The following NBEA variants were observed in gnomAD, a reference collection of about 807,000 sequenced individuals.
NBEA encodes the protein lysosomal-trafficking regulator 2.
A neutral mutation model predicts 343.4 loss-of-function variants in NBEA; 44 were observed. The observed-to-expected ratio is 0.13, with a 90% CI of 0.10 to 0.16. NBEA has a LOEUF of 0.16. Among genes scored for constraint, NBEA ranks in the 10% least tolerant of loss-of-function variants. The probability of loss-of-function intolerance (pLI) is 1.00; values close to 1 mark genes in which losing one functional copy is unlikely to be tolerated. For synonymous variants in NBEA, 1,175 were observed against 1,238.7 expected, an observed-to-expected ratio of 0.95 and a Z score of 1.08; for missense variants, 2,555 against 3,631.3, an observed-to-expected ratio of 0.70 and a Z score of 7.62.
intron 18 of NBEA, among the ~76,000 whole-genome samples, chr13:35,142,840 C>G (rs2068169634): frequency 6.6e-6 from 1 of 152,112 alleles, no homozygotes; most frequent in Non-Finnish European, 1.5e-5. Flanking sequence ...ATCTTTGGAT[C>G]TCATCATTTC....
intron 1 of NBEA, among the ~76,000 whole-genome samples, chr13:34,974,543 A>G: frequency 6.6e-6 from 1 of 152,204 alleles, no homozygotes; most frequent in East Asian, 1.9e-4. Flanking sequence ...TAATAGGGAT[A>G]GAGAGTTTGA....
intron 48 of NBEA, among the ~76,000 whole-genome samples, chr13:35,615,008 G>C (rs147815130): frequency 6.6e-6 from 1 of 151,810 alleles, no homozygotes; most frequent in Non-Finnish European, 1.5e-5. Context: ...AACTTCAGGT[G>C]CATCATTGTT....
At chr13:35,564,748 C>T (rs1470037510) in intron 44 of NBEA, among the ~76,000 whole-genome samples, 2 of 152,168 alleles carry the variant, frequency 1.3e-5, no homozygotes, top group Non-Finnish European at 1.5e-5. Context: ...GTTTTCTTCT[C>T]GTTTAATGTA....
intron 31 of NBEA, among the ~76,000 whole-genome samples, chr13:35,204,254 T>G (rs1593734586): frequency 6.6e-6 from 1 of 152,142 alleles, no homozygotes; most frequent in East Asian, 1.9e-4. Flanking sequence ...TGCCTGATGA[T>G]CTGTGACTGT....
intron 1 of NBEA, among the ~76,000 whole-genome samples, chr13:34,988,456 C>T (rs186601969): frequency 2.0e-5 from 3 of 151,240 alleles, no homozygotes; most frequent in East Asian, 1.9e-4. Flanking sequence ...CCACCCAGTT[C>T]GAGCTTTTCC....
intron 31 of NBEA, among the ~76,000 whole-genome samples, chr13:35,198,742 T>C (rs2072805198): frequency 6.6e-6 from 1 of 151,554 alleles, no homozygotes; most frequent in African/African-American, 2.4e-5. Flanking sequence ...ATGTAAATGA[T>C]GAGGTGATAT....
chr13:35,013,444 C>T (rs991560296), intron 1 of NBEA, among the ~76,000 whole-genome samples: 1 of 151,660 alleles, frequency 6.6e-6, no homozygotes, highest in African/African-American at 2.4e-5. Flanking sequence ...TTCCTTTATA[C>T]ACATTTATTA....
chr13:35,323,990 C>G (rs573964568), intron 36 of NBEA, among the ~76,000 whole-genome samples: 1 of 152,124 alleles, frequency 6.6e-6, no homozygotes, highest in South Asian at 2.1e-4. Flanking sequence ...ATAATCTGTG[C>G]CTTTATTAGA....
At chr13:35,533,952 T>C (rs191517881) in intron 41 of NBEA, among the ~76,000 whole-genome samples, 166 of 152,306 alleles carry the variant, frequency 1.1e-3, no homozygotes, top group Admixed American at 3.2e-3. Context: ...ATGTTATCAG[T>C]GGAGAGCAAA....
intron 38 of NBEA, among the ~76,000 whole-genome samples, chr13:35,377,021 C>A (rs201684483): frequency 1.3e-5 from 2 of 152,090 alleles, no homozygotes; most frequent in East Asian, 1.9e-4. Flanking sequence ...CCTTTGTTTT[C>A]ATGATTCCTT....
intron 35 of NBEA, among the ~76,000 whole-genome samples, chr13:35,300,011 ATC>A (rs2036430224): frequency 6.6e-6 from 1 of 152,170 alleles, no homozygotes; most frequent in African/African-American, 2.4e-5. Flanking sequence ...GGTAGCTTAT[ATC>A]TCAGCATCCA....
At chr13:35,241,786 G>A (rs890274157) in intron 34 of NBEA, among the ~76,000 whole-genome samples, 3 of 151,860 alleles carry the variant, frequency 2.0e-5, no homozygotes, top group African/African-American at 7.2e-5. Context: ...CTAAGACAGA[G>A]CTACTCAAAA....
chr13:35,169,594 T>G (rs1287150430), intron 25 of NBEA, among the ~76,000 whole-genome samples: 1 of 151,634 alleles, frequency 6.6e-6, no homozygotes, highest in Non-Finnish European at 1.5e-5. Context: ...TATAGAGAGA[T>G]AGCTATCTGC....
chr13:35,663,937 T>C (rs1280575901), intron 55 of NBEA, among the ~76,000 whole-genome samples: 1 of 151,908 alleles, frequency 6.6e-6, no homozygotes, highest in African/African-American at 2.4e-5. Flanking sequence ...AAAATGCAAA[T>C]AAAACGGAGA....
chr13:35,519,744 A>T (rs1010470556), intron 41 of NBEA, among the ~76,000 whole-genome samples: 3 of 152,170 alleles, frequency 2.0e-5, no homozygotes, highest in African/African-American at 7.2e-5. Context: ...TAACTGGGAT[A>T]TTACCTGAAG....
rs1006433389 is a variant in NBEA at position 35,271,874 on chromosome 13, G to A, written c.5777-18515G>A. On this transcript the variant is annotated intron_variant, in intron 34 of 58. Transcript: ENST00000379939. ...GACTATGTGAAAAGACCAACTCTAC[G>A]CTTGATTGGTGTATGTGAAAGTGAC... 5.3e-5 allele frequency among the ~76,000 whole-genome samples: 8 copies of A among 152,288 alleles called. No homozygotes were observed. The East Asian group carries it at 7.7e-4, about 15-fold the overall frequency.
chr13:35,129,307 G>A (rs891051356), intron 17 of NBEA, among the ~76,000 whole-genome samples: 19 of 151,960 alleles, frequency 1.3e-4, no homozygotes, highest in Non-Finnish European at 2.4e-4. Flanking sequence ...ATAAAAATAT[G>A]TCAAAAATCC....
At chr13:35,443,348 G>T (rs932902240) in intron 39 of NBEA, among the ~76,000 whole-genome samples, 1 of 151,976 alleles carries the variant, frequency 6.6e-6, no homozygotes, top group Non-Finnish European at 1.5e-5. Context: ...ACTGATCCAC[G>T]TAAGGAATAG....
At chr13:35,426,995 A>G (rs1462668383) in intron 38 of NBEA, among the ~76,000 whole-genome samples, 2 of 152,110 alleles carry the variant, frequency 1.3e-5, no homozygotes, top group Non-Finnish European at 2.9e-5. Flanking sequence ...AGGTCCTTTA[A>G]GGACTTCTCT....
Sources: allele counts gnomAD v4.1 joint callset (sites outside exome capture counted in the v4.1 genomes callset), GRCh38; gene constraint gnomAD v4.1.1; transcripts MANE v1.5; gene names NCBI Gene and HGNC (gene_info 2026-07-23, HGNC 2026-07-21).